Variants in ABLIM1 observed in about 807,000 individuals in gnomAD.
ABLIM1 encodes the protein actin binding LIM protein 1, also known as actin-binding LIM protein 1.
Under a neutral mutation model 107.0 loss-of-function variants are expected in ABLIM1, and 40 were observed. That is an observed-to-expected ratio of 0.37 (90% confidence interval 0.29 to 0.49). The LOEUF (loss-of-function observed/expected upper bound fraction) is 0.49, where lower values mean the gene tolerates loss of function less well. Among genes scored for constraint, ABLIM1 ranks in the 20% least tolerant of loss-of-function variants. ABLIM1 has a pLI of 0.97. For missense variants in ABLIM1, 857 were observed against 1,008.5 expected (o/e 0.85, Z 2.04); for synonymous variants, 357 against 357.3 (o/e 1.00, Z 0.01).
chr10:114,521,779 G>A (rs988853694), intron 6 of ABLIM1, among the ~76,000 whole-genome samples: 9 of 151,884 alleles, frequency 5.9e-5, no homozygotes, highest in African/African-American at 2.2e-4. Context: ...TTAGTTTCGG[G>A]GATATGATAG....
chr10:114,496,024 A>G (rs1475626465), intron 6 of ABLIM1, among the ~76,000 whole-genome samples: 3 of 152,242 alleles, frequency 2.0e-5, no homozygotes, highest in Non-Finnish European at 2.9e-5. Flanking sequence ...AATGATACGA[A>G]TAACAATGTA....
intron 7 of ABLIM1, among the ~76,000 whole-genome samples, chr10:114,488,479 A>C (rs1016389569): frequency 6.6e-6 from 1 of 152,252 alleles, no homozygotes; most frequent in African/African-American, 2.4e-5. Context: ...AGCAAGACTT[A>C]CTGAATTTTT....
chr10:114,621,608 G>A (rs2077468643), intron 1 of ABLIM1, among the ~76,000 whole-genome samples: 1 of 152,096 alleles, frequency 6.6e-6, no homozygotes, highest in Admixed American at 6.6e-5. Context: ...AGCCTTTTCT[G>A]ATTCCCTTGG....
chr10:114,769,227 T>G (rs808347), upstream of ABLIM1, among the ~76,000 whole-genome samples: 137 of 145,424 alleles, frequency 9.4e-4, 1 homozygote, highest in Middle Eastern at 0.019. Flanking sequence ...GACCGGTGCT[T>G]GTAATCCCAG....
chr10:114,662,484 G>T (rs1449487359), upstream of ABLIM1, among the ~76,000 whole-genome samples: 5 of 152,052 alleles, frequency 3.3e-5, no homozygotes, highest in African/African-American at 1.2e-4. Context: ...CAGTCCTTCT[G>T]CATGGTCAGC....
intron 1 of ABLIM1, among the ~76,000 whole-genome samples, chr10:114,665,988 T>C (rs931219522): frequency 1.3e-5 from 2 of 152,244 alleles, no homozygotes; most frequent in South Asian, 2.1e-4. Flanking sequence ...TAAATGTGGC[T>C]ACAGAGAGAC....
chr10:114,600,103 C>A (rs1007553363), intron 2 of ABLIM1, among the ~76,000 whole-genome samples: 1 of 152,106 alleles, frequency 6.6e-6, no homozygotes, highest in Non-Finnish European at 1.5e-5. Context: ...GGTCTAGTCT[C>A]CTTATTTTAC....
intron 1 of ABLIM1, among the ~76,000 whole-genome samples, chr10:114,669,349 AG>A (rs2080157323): frequency 6.6e-6 from 1 of 152,248 alleles, no homozygotes; most frequent in Non-Finnish European, 1.5e-5. Flanking sequence ...CACTCACAGA[AG>A]GCTTCCAGCC....
chr10:114,759,552 G>A (rs1306130073), intron 1 of ABLIM1, among the ~76,000 whole-genome samples: 1 of 152,014 alleles, frequency 6.6e-6, no homozygotes, highest in Admixed American at 6.6e-5. Context: ...TATGCTAAAC[G>A]CTGTTAGTCT....
rs776274967 is a variant in ABLIM1, at chr10:114,447,896, G to C, written c.1719C>G (p.Pro573=). The C allele has an allele frequency of 2.5e-6, 4 of 1,613,912 alleles. No homozygotes were observed. Among genetic ancestry groups the C allele is most frequent in the African/African-American group, 1.3e-5 (1 of 74,908 alleles). ...GTTGCATACCTACGACAGCAAATGA[G>C]GGGGGACCAGGCCAGTGGTCCGTCT... is the stretch of plus-strand genomic sequence containing the variant. The part of the protein sequence containing the change: ...KIETDHWPGP[P]SFAVVGPDMK... The change falls in exon 15 of 23, where the codon CCC becomes CCG. Residue 573 remains proline (P), a synonymous_variant. Transcript: ENST00000533213.
Position 114,486,523 on chromosome 10 carries a change from T to C in ABLIM1, c.1041+1435A>G, listed in dbSNP as rs1313577930. Reference sequence around the variant, plus strand: ...ATAAAGGTAACTCATTTCCAAAGCATCCATAGTTTCTCAAAAATCCCAGAG... The same window carrying C: ...ATAAAGGTAACTCATTTCCAAAGCACCCATAGTTTCTCAAAAATCCCAGAG... On this transcript the variant is annotated intron_variant, in intron 8 of 22. Transcript: ENST00000533213. 4.6e-5 allele frequency among the ~76,000 whole-genome samples: 7 copies of C among 152,184 alleles called. No individual in the cohort carries two copies. In the East Asian group the frequency reaches 1.4e-3, roughly 29 times the overall value.
At chr10:114,732,186 T>TTTTC (rs2082089881) in intron 1 of ABLIM1, among the ~76,000 whole-genome samples, 1 of 125,072 alleles carries the variant, frequency 8.0e-6, no homozygotes, top group African/African-American at 3.6e-5. Flanking sequence ...TTTTCTTTTT[T>TTTTC]TTTTTTTTTT....
chr10:114,501,151 A>G (rs2060371219), intron 6 of ABLIM1, among the ~76,000 whole-genome samples: 2 of 152,210 alleles, frequency 1.3e-5, no homozygotes, highest in South Asian at 2.1e-4. Context: ...TAGGCACCTC[A>G]CAAACTTTAC....
At chr10:114,546,282 C>CCTTTT (rs2067331318) in intron 5 of ABLIM1, among the ~76,000 whole-genome samples, 1 of 150,834 alleles carries the variant, frequency 6.6e-6, no homozygotes, top group African/African-American at 2.4e-5. Flanking sequence ...GAGCTTCTTG[C>CCTTTT]CTTTTCTTTT....
At chr10:114,665,369 G>A (rs1785408100) in intron 1 of ABLIM1, among the ~76,000 whole-genome samples, 1 of 152,156 alleles carries the variant, frequency 6.6e-6, no homozygotes, top group African/African-American at 2.4e-5. Context: ...TGTTCCATCT[G>A]GGCCTTGAAG....
At chr10:114,663,879 C>T (rs1176846960) in intron 1 of ABLIM1, among the ~76,000 whole-genome samples, 2 of 152,192 alleles carry the variant, frequency 1.3e-5, no homozygotes, top group African/African-American at 2.4e-5. Context: ...GTACACGGTG[C>T]CTGCCTGCTC....
At chr10:114,749,142 C>G (rs2082453213) in intron 1 of ABLIM1, among the ~76,000 whole-genome samples, 1 of 152,130 alleles carries the variant, frequency 6.6e-6, no homozygotes, top group Non-Finnish European at 1.5e-5. Context: ...GGTCAGACAC[C>G]TTGCTTTCTA....
intron 1 of ABLIM1, among the ~76,000 whole-genome samples, chr10:114,609,770 T>C (rs942678350): frequency 6.6e-6 from 1 of 152,204 alleles, no homozygotes; most frequent in Non-Finnish European, 1.5e-5. Flanking sequence ...TACTATATTA[T>C]TATAACAAGT....
upstream of ABLIM1, among the ~76,000 whole-genome samples, chr10:114,769,180 A>G (rs2082974790): frequency 6.9e-6 from 1 of 145,680 alleles, no homozygotes; most frequent in Non-Finnish European, 1.5e-5. Context: ...ATGAAAAAAA[A>G]AAAAAAAAAA....
Sources: allele counts gnomAD v4.1 joint callset (sites outside exome capture counted in the v4.1 genomes callset), GRCh38; gene constraint gnomAD v4.1.1; transcripts MANE v1.5; gene names NCBI Gene and HGNC (gene_info 2026-07-23, HGNC 2026-07-21).